Variants in ORC1 observed in about 807,000 individuals in gnomAD.
ORC1 encodes origin recognition complex, subunit 1 homolog.
A neutral mutation model predicts 98.9 loss-of-function variants in ORC1; 61 were observed. The ratio of observed to expected loss-of-function variants is 0.62; its 90% CI spans 0.50 to 0.76. ORC1 has a LOEUF of 0.76. Ranked by LOEUF, ORC1 falls within the 30% of genes least tolerant of loss-of-function variation. The pLI, the probability that ORC1 is intolerant of heterozygous loss-of-function variation, is 0.00. For synonymous variants in ORC1, 385 were observed against 406.9 expected, an observed-to-expected ratio of 0.95 and a Z score of 0.65; for missense variants, 979 against 1,072.2, an observed-to-expected ratio of 0.91 and a Z score of 1.21.
intron 3 of ORC1, 63 bp downstream of exon 3, chr1:52,401,299 A>G (rs984465183): frequency 6.2e-7 from 1 of 1,604,578 alleles, no homozygotes; most frequent in African/African-American, 1.3e-5. Flanking sequence ...AAGAATCCAC[A>G]ATCTCCCCAC....
At chr1:52,399,631 A>G (rs1569957460) in intron 3 of ORC1, among the ~76,000 whole-genome samples, 1 of 150,470 alleles carries the variant, frequency 6.6e-6, no homozygotes, top group South Asian at 2.1e-4. Flanking sequence ...CTCAAAAAAA[A>G]AAAAAAAAAA....
intron 10 of ORC1, 120 bp downstream of exon 10, chr1:52,385,041 C>T (rs1030229773): frequency 5.1e-6 from 4 of 791,814 alleles, no homozygotes; most frequent in Non-Finnish European, 9.2e-6. Context: ...GCTTCAGCAA[C>T]GATTTGGTCT....
upstream of ORC1, among the ~76,000 whole-genome samples, chr1:52,407,646 TGTG>T (rs1359197849): frequency 6.6e-6 from 1 of 152,132 alleles, no homozygotes; most frequent in Non-Finnish European, 1.5e-5. Context: ...TATGGCCAGG[TGTG>T]GTGGCTCACA....
upstream of ORC1, among the ~76,000 whole-genome samples, chr1:52,407,725 A>C (rs1281784526): frequency 6.6e-6 from 1 of 152,218 alleles, no homozygotes; most frequent in Admixed American, 6.5e-5. Context: ...GTTCAAGACC[A>C]GCCTGGCCAA....
rs774943905 is a variant in ORC1 at position 52,383,401 on chromosome 1, G to A, written c.2013+19C>T. 1 of 1,612,034 alleles carries A rather than the reference G, an allele frequency of 6.2e-7. No homozygotes were observed. Among genetic ancestry groups the A allele is most frequent in the Non-Finnish European group, 8.5e-7 (1 of 1,179,874 alleles). Reference sequence around the variant, plus strand: ...TTACAGATCTGCAAGAACAGCATGGGAACTGCCCTAGAACCTACCAGTCGG... The same window carrying A: ...TTACAGATCTGCAAGAACAGCATGGAAACTGCCCTAGAACCTACCAGTCGG... On this transcript the variant is annotated intron_variant, in intron 13 of 16. Coordinates refer to ENST00000371568, the MANE Select transcript of ORC1 (RefSeq NM_004153.4).
At chr1:52,408,893 CTG>C, upstream of ORC1, 1 of 501,636 alleles carries the variant, frequency 2.0e-6, no homozygotes, top group Non-Finnish European at 3.5e-6. Flanking sequence ...CAGCCTGCCT[CTG>C]TCTGTCTCCC....
intron 13 of ORC1, among the ~76,000 whole-genome samples, chr1:52,382,823 A>G (rs911439729): frequency 3.6e-4 from 54 of 151,516 alleles, no homozygotes; most frequent in Non-Finnish European, 6.9e-4. Flanking sequence ...CAGGTGATCC[A>G]CCTGCCTTGG....
At position 52,381,708 on chromosome 1, in the gene ORC1, G is replaced by A. The variant is rs1469107320; in HGVS notation, c.2067C>T (p.Ile689=). 6.2e-7 allele frequency: 1 copy of A among 1,613,520 alleles called. No homozygotes were observed. The highest frequency in any genetic ancestry group is 8.5e-7 in the Non-Finnish European group (1 of 1,179,782). The part of the protein sequence containing the change: ...QPYTYSQLQQ[I]LRSRLKHLKA... ...TTAGATGCTTGAGCCGGGACCTTAG[G>A]ATCTGCTGCAGCTGGCTATATGTAT... Residue 689 remains isoleucine (I), a synonymous_variant, in exon 14 of 17, where the codon ATC becomes ATT. Transcript: ENST00000371568.
chr1:52,396,045 C>G lies in ORC1; in HGVS notation c.721+1G>C, dbSNP rs869312957. 18 of 1,614,064 alleles carry G rather than the reference C, an allele frequency of 1.1e-5. No homozygotes were observed. Among genetic ancestry groups the G allele is most frequent in the Non-Finnish European group, 1.5e-5 (18 of 1,180,026 alleles). On this transcript the variant is annotated splice_donor_variant, in intron 5 of 16. Transcript: ENST00000371568. LOFTEE classifies it high-confidence loss of function. Reference sequence around the variant, plus strand: ...CCACGGTGATCCATTCCACAACTTACTGCCAAGCTCCAGCCTCTTTCTGGC... The same window carrying G: ...CCACGGTGATCCATTCCACAACTTAGTGCCAAGCTCCAGCCTCTTTCTGGC...
At chr1:52,378,271 C>T (rs950746081) in intron 14 of ORC1, among the ~76,000 whole-genome samples, 31 of 149,756 alleles carry the variant, frequency 2.1e-4, no homozygotes, top group African/African-American at 7.2e-4. Flanking sequence ...CTTGAACCCA[C>T]GAGGCAGAGG....
In ORC1 at chr1:52,393,757, C is replaced by T. The variant is rs913769163; in HGVS notation, c.768G>A (p.Leu256=). The change falls in exon 6 of 17, where the codon TTG becomes TTA. Residue 256 remains leucine (L), a synonymous_variant. Coordinates refer to ENST00000371568, the MANE Select transcript of ORC1 (RefSeq NM_004153.4). ...QMSQQTSCAS[L]DSPGRIKRKV... is the part of the protein sequence containing the mutation. ...TCCGTTTTATTCTTCCTGGAGAATCCAAGGAGGCACATGAAGTCTGCTGGG... is the reference window on the plus strand; with the variant it reads ...TCCGTTTTATTCTTCCTGGAGAATCTAAGGAGGCACATGAAGTCTGCTGGG... 6.2e-7 allele frequency: 1 copy of T among 1,613,856 alleles called. No individual in the cohort carries two copies. Among genetic ancestry groups the T allele is most frequent in the Non-Finnish European group, 8.5e-7 (1 of 1,179,938 alleles).
Position 52,396,316 on chromosome 1 carries a change from C to A in ORC1, c.451G>T (p.Glu151Ter), listed in dbSNP as rs778678939. ...KDVVPTNLKN[E>*]KTLFVKLSWN... ...GATAGTTTCACAAAGAGTGTCTTCT[C>A]ATTTTTCAGATTCGTCGGTACCACA... The change falls in exon 5 of 17, where the codon GAG becomes TAG. Residue 151 changes from glutamate (E) to a stop codon, truncating the protein, a stop_gained. Transcript: ENST00000371568. LOFTEE classifies it high-confidence loss of function. 2 of 1,614,128 alleles carry A rather than the reference C, an allele frequency of 1.2e-6. No homozygotes were observed. Among genetic ancestry groups the A allele is most frequent in the Non-Finnish European group, 1.7e-6 (2 of 1,180,006 alleles).
At chr1:52,378,354 AAAC>A (rs1647021388) in intron 14 of ORC1, among the ~76,000 whole-genome samples, 1 of 146,984 alleles carries the variant, frequency 6.8e-6, no homozygotes, top group African/African-American at 2.7e-5. Flanking sequence ...CAAAAAAAAA[AAAC>A]AAACAAAACA....
chr1:52,395,126 G>A (rs943548194), intron 5 of ORC1, among the ~76,000 whole-genome samples: 1 of 152,124 alleles, frequency 6.6e-6, no homozygotes, highest in African/African-American at 2.4e-5. Flanking sequence ...AAAAAAGGAT[G>A]AATGACTACA....
chr1:52,384,237 G>A (rs1217460876), intron 11 of ORC1, among the ~76,000 whole-genome samples: 1 of 152,166 alleles, frequency 6.6e-6, no homozygotes, highest in Non-Finnish European at 1.5e-5. Context: ...ACAGCCCATG[G>A]ACAAAGAGCA....
In ORC1 at chr1:52,389,627, T is replaced by C. The variant is rs77626119; in HGVS notation, c.1083-306A>G. Among the ~76,000 whole-genome samples the C allele has an allele frequency of 4.0e-3, 611 of 152,342 alleles. 13 individuals carry two copies. The South Asian group carries it at 0.047, about 12-fold the overall frequency. On this transcript the variant is annotated intron_variant, in intron 6 of 16. Transcript: ENST00000371568. ...AGAGGTGCTTGTCCTTTTTTGTTTC[T>C]GATGCATGCATGAATTTATTATCCA... is the stretch of plus-strand genomic sequence containing the variant.
rs141623460 is a variant in ORC1, at chr1:52,385,931, G to A, written c.1402C>T (p.Arg468Cys). 30 of 1,613,370 alleles carry A rather than the reference G, an allele frequency of 1.9e-5. No individual in the cohort carries two copies. The African/African-American group carries it at 2.9e-4, about 16-fold the overall frequency. Residue 468 changes from arginine to cysteine, a missense_variant, in exon 9 of 17, where the codon CGT becomes TGT. Arg to Cys is a radical substitution (Grantham distance 180). Transcript: ENST00000371568. Reference sequence around the variant, plus strand: ...CTACGGATCTGAGGAGCGGCACAACGTGGCGTTCTAGGCTTGAGCTGTATT... The same window carrying A: ...CTACGGATCTGAGGAGCGGCACAACATGGCGTTCTAGGCTTGAGCTGTATT... ...PKKSLKPRTP[R>C]CAAPQIRSRS...
intron 4 of ORC1, 114 bp from the exon 5 acceptor site, chr1:52,396,478 T>C: frequency 7.6e-7 from 1 of 1,314,012 alleles, no homozygotes; most frequent in East Asian, 2.3e-5. Flanking sequence ...CCTAAAATGT[T>C]ACCTTTCCAA....
chr1:52,388,962 T>C (rs1188712311), intron 7 of ORC1, among the ~76,000 whole-genome samples: 1 of 152,202 alleles, frequency 6.6e-6, no homozygotes, highest in Non-Finnish European at 1.5e-5. Flanking sequence ...AAGTTCATGC[T>C]CTTAGGCACC....
Sources: allele counts gnomAD v4.1 joint callset (sites outside exome capture counted in the v4.1 genomes callset), GRCh38; gene constraint gnomAD v4.1.1; transcripts MANE v1.5; gene names NCBI Gene and HGNC (gene_info 2026-07-23, HGNC 2026-07-21).